DAB1: variants seen among roughly 807,000 people sequenced by gnomAD.
DAB1 encodes the protein disabled homolog 1.
In DAB1, 15 loss-of-function variants were observed where a neutral mutation model predicts 64.6. The observed-to-expected ratio is 0.23, with a 90% confidence interval of 0.16 to 0.36. The LOEUF (loss-of-function observed/expected upper bound fraction) is 0.36, where lower values mean the gene tolerates loss of function less well. DAB1 is among the 10% of genes least tolerant of loss of function. DAB1 has a pLI of 1.00. For missense variants in DAB1, 596 were observed against 706.7 expected, an observed-to-expected ratio of 0.84 and a Z score of 1.78; for synonymous variants, 235 against 251.9, an observed-to-expected ratio of 0.93 and a Z score of 0.64.
intron 1 of DAB1, among the ~76,000 whole-genome samples, chr1:58,538,624 T>C (rs529350919): frequency 6.6e-6 from 1 of 152,296 alleles, no homozygotes; most frequent in South Asian, 2.1e-4. Context: ...GGACCTACTG[T>C]TTAGAAACTT....
At chr1:57,562,451 TC>T (rs1645064100) in intron 7 of DAB1, among the ~76,000 whole-genome samples, 1 of 152,232 alleles carries the variant, frequency 6.6e-6, no homozygotes, top group Admixed American at 6.5e-5. Flanking sequence ...CTTACCATGT[TC>T]CCCATCATCT....
chr1:57,944,732 T>C (rs1055487684), intron 5 of DAB1, among the ~76,000 whole-genome samples: 1 of 152,162 alleles, frequency 6.6e-6, no homozygotes, highest in Non-Finnish European at 1.5e-5. Context: ...TACACACATA[T>C]ATAACCTCGG....
In DAB1 at chr1:57,145,433, A is replaced by G; in HGVS notation, c.68-4T>C. On this transcript the variant is annotated splice_region_variant and splice_polypyrimidine_tract_variant and intron_variant, in intron 2 of 14. Transcript: ENST00000371236. Reference sequence around the variant, plus strand: ...GTGGCTTCACTGCGATCCTGACCTAAAAAGAGAAAAAGCAGATTCAAATAT... The same window carrying G: ...GTGGCTTCACTGCGATCCTGACCTAGAAAGAGAAAAAGCAGATTCAAATAT... The G allele has an allele frequency of 6.2e-7, 1 of 1,613,806 alleles. No homozygotes were observed. The highest frequency in any genetic ancestry group is 8.5e-7 in the Non-Finnish European group (1 of 1,179,808).
At chr1:57,708,478 C>T (rs1646992409) in intron 6 of DAB1, among the ~76,000 whole-genome samples, 2 of 152,212 alleles carry the variant, frequency 1.3e-5, no homozygotes, top group African/African-American at 4.8e-5. Context: ...CACTCAAAGT[C>T]CAGTGCTTCT....
chr1:57,655,975 C>G (rs1301705583), intron 6 of DAB1, among the ~76,000 whole-genome samples: 1 of 152,102 alleles, frequency 6.6e-6, no homozygotes, highest in African/African-American at 2.4e-5. Context: ...AATTCATATA[C>G]TGAAATTGGA....
At chr1:58,233,649 T>G (rs1259979853) in intron 4 of DAB1, among the ~76,000 whole-genome samples, 1 of 152,174 alleles carries the variant, frequency 6.6e-6, no homozygotes, top group African/African-American at 2.4e-5. Context: ...CTGAGTAAAC[T>G]GTGTCAAGGT....
chr1:58,093,949 CTA>C (rs1444437848), intron 5 of DAB1, among the ~76,000 whole-genome samples: 2 of 152,146 alleles, frequency 1.3e-5, no homozygotes, highest in Admixed American at 1.3e-4. Context: ...TCCCTGCAGG[CTA>C]TGTGTTCCAG....
chr1:57,619,703 A>G (rs765477863), intron 7 of DAB1, among the ~76,000 whole-genome samples: 2 of 152,064 alleles, frequency 1.3e-5, no homozygotes, highest in Non-Finnish European at 2.9e-5. Context: ...CCCCTATTTT[A>G]TAGATAAAGA....
chr1:58,248,381 G>A (rs1350551810), intron 4 of DAB1, among the ~76,000 whole-genome samples: 2 of 152,134 alleles, frequency 1.3e-5, no homozygotes, highest in Non-Finnish European at 2.9e-5. Flanking sequence ...AGCACTGCAG[G>A]GGATTTCAGA....
chr1:58,241,596 T>C lies in DAB1; in HGVS notation n.310-91008A>G, dbSNP rs1177070757. On this transcript the variant is annotated intron_variant and non_coding_transcript_variant, in intron 4 of 20. Transcript: ENST00000485760. ...GATGAAAGAAAAAAATGACTATCTA[T>C]AATGTAAAAGAAGCCTGAACAAAAT... Among the ~76,000 whole-genome samples the C allele has an allele frequency of 2.0e-5, 3 of 151,982 alleles. No individual in the cohort carries two copies. The East Asian group carries it at 5.8e-4, about 29-fold the overall frequency.
intron 6 of DAB1, among the ~76,000 whole-genome samples, chr1:57,699,106 T>C (rs1203723342): frequency 1.3e-5 from 2 of 152,046 alleles, no homozygotes; most frequent in Non-Finnish European, 2.9e-5. Context: ...CTCTGCTAAG[T>C]TTTTAATTTT....
intron 1 of DAB1, among the ~76,000 whole-genome samples, chr1:58,539,719 C>G (rs7535313): frequency 0.13 from 20,492 of 152,102 alleles, 1,520 homozygotes; most frequent in African/African-American, 0.19. Context: ...CTGGACATTA[C>G]GCAATGAAGA....
chr1:58,147,393 C>T lies in DAB1; in HGVS notation n.387+3118G>A, dbSNP rs1005440917. Among the ~76,000 whole-genome samples, 28 of 149,000 alleles carry T rather than the reference C, an allele frequency of 1.9e-4. 1 individual carries two copies. Among genetic ancestry groups the T allele is most frequent in the South Asian group, 8.5e-4 (4 of 4,690 alleles). On this transcript the variant is annotated intron_variant and non_coding_transcript_variant, in intron 5 of 20. Coordinates refer to the DAB1 transcript ENST00000485760. ...CAGCACTTCGGGAGGCCGAGGCAGG[C>T]GGATCACGAGGTCAGGAGATCGAGA...
intron 3 of DAB1, among the ~76,000 whole-genome samples, chr1:58,413,923 T>G (rs910505329): frequency 6.6e-6 from 1 of 152,128 alleles, no homozygotes; most frequent in Non-Finnish European, 1.5e-5. Context: ...CATCATAGAG[T>G]GTACTTAATG....
chr1:57,290,431 T>G (rs1672678787), intron 2 of DAB1, among the ~76,000 whole-genome samples: 1 of 152,130 alleles, frequency 6.6e-6, no homozygotes, highest in South Asian at 2.1e-4. Context: ...GACTCAGAAA[T>G]GAAGGCTTTA....
At chr1:58,325,956 A>C (rs973483292) in intron 4 of DAB1, among the ~76,000 whole-genome samples, 2 of 152,178 alleles carry the variant, frequency 1.3e-5, no homozygotes, top group African/African-American at 4.8e-5. Flanking sequence ...GTTGCAGCAG[A>C]CTTCAGATAT....
intron 7 of DAB1, among the ~76,000 whole-genome samples, chr1:57,471,097 G>A (rs1231288090): frequency 6.6e-6 from 1 of 152,210 alleles, no homozygotes; most frequent in Non-Finnish European, 1.5e-5. Context: ...CCATACTGGA[G>A]TCGAATCAAG....
At chr1:57,486,687 G>A (rs1450270245) in intron 7 of DAB1, among the ~76,000 whole-genome samples, 2 of 152,024 alleles carry the variant, frequency 1.3e-5, no homozygotes, top group Non-Finnish European at 2.9e-5. Context: ...TTAAATGATG[G>A]TAAAACCCTC....
At chr1:57,907,464 C>A (rs1026249322) in intron 5 of DAB1, among the ~76,000 whole-genome samples, 1 of 152,166 alleles carries the variant, frequency 6.6e-6, no homozygotes, top group East Asian at 1.9e-4. Flanking sequence ...CACCCAAGTG[C>A]CTGGTGTGTT....
Sources: allele counts gnomAD v4.1 joint callset (sites outside exome capture counted in the v4.1 genomes callset), GRCh38; gene constraint gnomAD v4.1.1; transcripts MANE v1.5; gene names NCBI Gene and HGNC (gene_info 2026-07-23, HGNC 2026-07-21).